The following COX4I1 variants were observed in gnomAD, a reference collection of about 807,000 sequenced individuals.
COX4I1 encodes cytochrome c oxidase subunit 4I1.
Under a neutral mutation model 21.7 loss-of-function variants are expected in COX4I1, and 18 were observed. That is an observed-to-expected ratio of 0.83 (90% CI 0.57 to 1.23). COX4I1 has a LOEUF of 1.23. COX4I1 is among the 50% of genes most tolerant of loss of function. The pLI is 0.00. For synonymous variants in COX4I1, 100 were observed against 81.5 expected, an observed-to-expected ratio of 1.23 and a Z score of -1.23; for missense variants, 238 against 220.7, an observed-to-expected ratio of 1.08 and a Z score of -0.50.
At position 85,801,297 on chromosome 16, in the gene COX4I1, A is replaced by C; in HGVS notation, c.73+19A>C. 1 of 1,597,660 alleles carries C rather than the reference A, an allele frequency of 6.3e-7. No homozygotes were observed. Among genetic ancestry groups the C allele is most frequent in the Non-Finnish European group, 8.6e-7 (1 of 1,166,248 alleles). On this transcript the variant is annotated intron_variant, in intron 2 of 4. Coordinates refer to ENST00000253452, the MANE Select transcript of COX4I1 (RefSeq NM_001861.6). ...GCTCATGGTAAGTGTGACTTTTCTT[A>C]CTTTTAAATAGGCTGAACTAATTTC...
At chr16:85,803,567 A>G (rs766489410) in intron 2 of COX4I1, 2 of 152,186 alleles carry the variant, frequency 1.3e-5, no homozygotes, top group African/African-American at 4.8e-5. Context: ...CAGTACAACC[A>G]AGCTATTCCT....
At chr16:85,806,042 G>T (rs902250539) in intron 4 of COX4I1, 178 bp downstream of exon 4, 23 of 839,596 alleles carry the variant, frequency 2.7e-5, no homozygotes, top group Non-Finnish European at 3.8e-5. Flanking sequence ...GTCGTGGGAG[G>T]TTAGTTTATA....
chr16:85,803,424 G>C (rs1905921743), intron 2 of COX4I1: 1 of 152,230 alleles, frequency 6.6e-6, no homozygotes, highest in African/African-American at 2.4e-5. Context: ...GGTGATTTTA[G>C]TCACTGGGAC....
At chr16:85,805,506 C>G in intron 3 of COX4I1, 1 of 605,270 alleles carries the variant, frequency 1.7e-6, no homozygotes, top group Non-Finnish European at 2.9e-6. Flanking sequence ...TTAATTTGCA[C>G]CTGAAGCGAA....
chr16:85,804,259 A>C (rs986569871), intron 2 of COX4I1: 1 of 152,190 alleles, frequency 6.6e-6, no homozygotes, highest in Non-Finnish European at 1.5e-5. Flanking sequence ...CTTCCTCATT[A>C]GTTTGAGTCC....
intron 1 of COX4I1, among the ~76,000 whole-genome samples, chr16:85,800,180 C>T (rs1905584360): frequency 6.6e-6 from 1 of 152,270 alleles, no homozygotes; most frequent in Admixed American, 6.5e-5. Context: ...CTATTGTTTG[C>T]TCACGCAAGG....
rs1906197882 is a variant in COX4I1, at chr16:85,806,334, C to T, written c.374-404C>T. ...GCTCGCTCGTGGTAATGACTCTTCC[C>T]CGAGGTTCTTTCTGTCCAGGCAGAA... is the stretch of plus-strand genomic sequence containing the variant. On this transcript the variant is annotated intron_variant, in intron 4 of 4. Coordinates refer to ENST00000253452, the MANE Select transcript of COX4I1 (RefSeq NM_001861.6). 6.4e-6 allele frequency: 4 copies of T among 629,862 alleles called. No homozygotes were observed. In the East Asian group the frequency reaches 8.2e-5, roughly 13 times the overall value. 39.0% of individuals were successfully genotyped at this position (629,862 alleles called of 1,614,324 possible).
chr16:85,806,323 A>G (rs1906197122), intron 4 of COX4I1: 2 of 620,924 alleles, frequency 3.2e-6, no homozygotes, highest in Non-Finnish European at 5.7e-6. Context: ...GCTCGTGGTA[A>G]TGACTCTTCC....
chr16:85,800,736 A>C (rs537791176), intron 1 of COX4I1, among the ~76,000 whole-genome samples: 11 of 151,742 alleles, frequency 7.2e-5, no homozygotes, highest in African/African-American at 2.7e-4. Flanking sequence ...CGATTCTTCT[A>C]CCTCAGCCTC....
chr16:85,801,343 A>G (rs1228341438), intron 2 of COX4I1, 65 bp downstream of exon 2: 2 of 1,430,606 alleles, frequency 1.4e-6, no homozygotes, highest in African/African-American at 1.4e-5. Flanking sequence ...TGCTGTGTAT[A>G]AAGCCCTGTG....
intron 2 of COX4I1, chr16:85,803,134 T>G (rs1052038959): frequency 1.3e-5 from 2 of 152,242 alleles, no homozygotes; most frequent in Non-Finnish European, 2.9e-5. Flanking sequence ...TTTTAAACTT[T>G]AGAGACTTCT....
In COX4I1 at chr16:85,805,017, G is replaced by C. The variant is rs370929782; in HGVS notation, c.154G>C (p.Val52Leu). 3.7e-6 allele frequency: 6 copies of C among 1,614,076 alleles called. No individual in the cohort carries two copies. The highest frequency in any genetic ancestry group is 5.1e-6 in the Non-Finnish European group (6 of 1,180,038). Residue 52 changes from valine to leucine, a missense_variant, in exon 3 of 5, where the codon GTC (valine) becomes CTC (leucine). Val to Leu is a conservative substitution (Grantham distance 32, BLOSUM62 1). Transcript: ENST00000253452. ...CCACCCCTTGCCGGAGGTGGCCCAT[G>C]TCAAGCACCTGTCTGCCAGCCAGAA... ...RDHPLPEVAH[V>L]KHLSASQKAL...
Position 85,806,992 on chromosome 16 carries a change from T to G in COX4I1, c.*118T>G. On this transcript the variant is annotated 3_prime_UTR_variant, in exon 5 of 5. Coordinates refer to ENST00000253452, the MANE Select transcript of COX4I1 (RefSeq NM_001861.6). Reference sequence around the variant, plus strand: ...TGTACCACTGCTAATAAATGACCAGTTTACCTGAAACCCTTTGTGATCAGT... The same window carrying G: ...TGTACCACTGCTAATAAATGACCAGGTTACCTGAAACCCTTTGTGATCAGT... 9.2e-7 allele frequency: 1 copy of G among 1,092,084 alleles called. No homozygotes were observed. Among genetic ancestry groups the G allele is most frequent in the Non-Finnish European group, 1.3e-6 (1 of 763,164 alleles). The allele number at this position is 1,092,084 out of a possible 1,614,324, so 67.6% of individuals were successfully genotyped here.
rs2599091 is a variant in COX4I1, at chr16:85,805,047, T to A, written c.184T>A (p.Leu62Met). The change falls in exon 3 of 5, where the codon TTG becomes ATG. Residue 62 changes from leucine to methionine, a missense_variant. Leu to Met is a conservative substitution (Grantham distance 15, BLOSUM62 2). Transcript: ENST00000253452. ...GCACCTGTCTGCCAGCCAGAAGGCA[T>A]TGAAGGAGAAGGAGAAGGCCTCCTG... ...VKHLSASQKA[L>M]KEKEKASWSS... The A allele has an allele frequency of 6.2e-7, 1 of 1,614,132 alleles. No individual in the cohort carries two copies.
chr16:85,802,324 C>T (rs1426648911), intron 2 of COX4I1, among the ~76,000 whole-genome samples: 1 of 152,196 alleles, frequency 6.6e-6, no homozygotes, highest in African/African-American at 2.4e-5. Flanking sequence ...CTGTGCTTTT[C>T]CTTATAACAC....
chr16:85,800,561 C>T (rs763011064), intron 1 of COX4I1, among the ~76,000 whole-genome samples: 1 of 152,188 alleles, frequency 6.6e-6, no homozygotes, highest in African/African-American at 2.4e-5. Context: ...GAGTCTGTCA[C>T]GGCAGCACAG....
chr16:85,805,952 C>T, intron 4 of COX4I1, 88 bp downstream of exon 4: 3 of 1,554,558 alleles, frequency 1.9e-6, no homozygotes, highest in Non-Finnish European at 2.6e-6. Context: ...ACCTCCATAC[C>T]TTGAGGCTAT....
At chr16:85,804,282 C>A (rs532083654) in intron 2 of COX4I1, 2 of 152,374 alleles carry the variant, frequency 1.3e-5, no homozygotes, top group African/African-American at 4.8e-5. Context: ...TGCAGATAGG[C>A]TTTCATTTTG....
chr16:85,806,721 C>A lies in COX4I1; in HGVS notation c.374-17C>A. On this transcript the variant is annotated splice_polypyrimidine_tract_variant and intron_variant, in intron 4 of 4. Coordinates refer to ENST00000253452, the MANE Select transcript of COX4I1 (RefSeq NM_001861.6). ...CTGTTGAGATAGTCTTGCCCCATAA[C>A]CTGTCTCACACCGTAGTGTACGGCC... is the stretch of plus-strand genomic sequence containing the variant. 6.2e-7 allele frequency: 1 copy of A among 1,614,002 alleles called. No individual in the cohort carries two copies. The highest frequency in any genetic ancestry group is 1.1e-5 in the South Asian group (1 of 91,072).
Sources: allele counts gnomAD v4.1 joint callset (sites outside exome capture counted in the v4.1 genomes callset), GRCh38; gene constraint gnomAD v4.1.1; transcripts MANE v1.5; gene names NCBI Gene and HGNC (gene_info 2026-07-23, HGNC 2026-07-21).